CRYBG1: variants seen among roughly 807,000 people sequenced by gnomAD.
The protein encoded by CRYBG1 is beta/gamma crystallin domain-containing protein 1.
In CRYBG1, 139 loss-of-function variants were observed where a neutral mutation model predicts 189.2. That is an observed-to-expected ratio of 0.73 (90% CI 0.64 to 0.85). CRYBG1 has a LOEUF of 0.85. CRYBG1 is among the 40% of genes least tolerant of loss of function. The pLI is 0.00. For missense variants in CRYBG1, 2,611 were observed against 2,675.8 expected (o/e 0.98, Z 0.53); for synonymous variants, 1,023 against 1,017.1 (o/e 1.01, Z -0.11).
chr6:106,396,036 C>T (rs2114345786), intron 1 of CRYBG1, among the ~76,000 whole-genome samples: 1 of 152,256 alleles, frequency 6.6e-6, no homozygotes, highest in South Asian at 2.1e-4. Flanking sequence ...GATCCCAGGG[C>T]TATGTCTCTG....
intron 2 of CRYBG1, among the ~76,000 whole-genome samples, chr6:106,505,390 G>A (rs910987878): frequency 3.9e-5 from 6 of 151,930 alleles, no homozygotes; most frequent in African/African-American, 7.3e-5. Flanking sequence ...CACCGCACCC[G>A]GCCCAATTTT....
intron 1 of CRYBG1, among the ~76,000 whole-genome samples, chr6:106,425,559 A>G (rs150664618): frequency 7.2e-5 from 11 of 152,312 alleles, no homozygotes; most frequent in Non-Finnish European, 1.3e-4. Context: ...TATGCAGTTC[A>G]CTAACTAAAT....
At chr6:106,496,726 G>T (rs886970129) in intron 2 of CRYBG1, among the ~76,000 whole-genome samples, 7 of 152,176 alleles carry the variant, frequency 4.6e-5, no homozygotes. Context: ...TTTTGGCCAG[G>T]CTGATCATTT....
At chr6:106,458,754 T>TAA (rs1771942120) in intron 2 of CRYBG1, among the ~76,000 whole-genome samples, 1 of 152,004 alleles carries the variant, frequency 6.6e-6, no homozygotes, top group East Asian at 1.9e-4. Context: ...GAGAATAAGG[T>TAA]AGTTTCCAGA....
At chr6:106,550,543 G>GA (rs1288534311) in intron 13 of CRYBG1, among the ~76,000 whole-genome samples, 1 of 136,582 alleles carries the variant, frequency 7.3e-6, no homozygotes, top group African/African-American at 2.7e-5. Context: ...ACTTAAAAGA[G>GA]AAAAAAACAT....
At chr6:106,483,398 A>ATT (rs1772514221) in intron 2 of CRYBG1, among the ~76,000 whole-genome samples, 1 of 108,696 alleles carries the variant, frequency 9.2e-6, no homozygotes, top group South Asian at 2.6e-4. Flanking sequence ...ATAGATATAT[A>ATT]TATAAAACAT....
At chr6:106,516,051 A>G (rs886627543) in intron 3 of CRYBG1, among the ~76,000 whole-genome samples, 2 of 151,966 alleles carry the variant, frequency 1.3e-5, no homozygotes, top group African/African-American at 4.8e-5. Context: ...TCGGCCTCCC[A>G]AAGTGCTAGG....
Position 106,563,752 on chromosome 6 carries a change from T to C in CRYBG1, c.6139-12T>C, listed in dbSNP as rs778162841. The C allele has an allele frequency of 6.3e-7, 1 of 1,589,034 alleles. No individual in the cohort carries two copies. The highest frequency in any genetic ancestry group is 8.6e-7 in the Non-Finnish European group (1 of 1,159,264). Reference sequence around the variant, plus strand: ...TACATATTTAAGATATCTGGTCTTTTCCACTGAGCAGATAGCAGAAGACTG... The same window carrying C: ...TACATATTTAAGATATCTGGTCTTTCCCACTGAGCAGATAGCAGAAGACTG... On this transcript the variant is annotated splice_polypyrimidine_tract_variant and intron_variant, in intron 20 of 21. Coordinates refer to ENST00000633556, the MANE Select transcript of CRYBG1 (RefSeq NM_001371242.2).
intron 1 of CRYBG1, among the ~76,000 whole-genome samples, chr6:106,448,691 G>T (rs1218282746): frequency 6.6e-6 from 1 of 152,118 alleles, no homozygotes; most frequent in African/African-American, 2.4e-5. Context: ...ACAAAGCTAG[G>T]GAGAGGATAG....
intron 1 of CRYBG1, among the ~76,000 whole-genome samples, chr6:106,433,139 G>A (rs568644177): frequency 6.6e-5 from 10 of 151,960 alleles, no homozygotes; most frequent in African/African-American, 1.2e-4. Flanking sequence ...ATGCCCAGCC[G>A]CTATTTTCTG....
intron 1 of CRYBG1, among the ~76,000 whole-genome samples, chr6:106,444,885 G>A (rs1582766276): frequency 6.6e-6 from 1 of 152,118 alleles, no homozygotes; most frequent in South Asian, 2.1e-4. Flanking sequence ...TGTAATCCTG[G>A]CACTTTGGGA....
chr6:106,371,184 T>G (rs942136496), intron 1 of CRYBG1, among the ~76,000 whole-genome samples: 1 of 152,242 alleles, frequency 6.6e-6, no homozygotes, highest in East Asian at 1.9e-4. Flanking sequence ...ACACGTAATA[T>G]AGTGTATTCA....
chr6:106,529,655 G>T (rs981492836), intron 7 of CRYBG1, among the ~76,000 whole-genome samples: 5 of 152,190 alleles, frequency 3.3e-5, no homozygotes, highest in African/African-American at 1.2e-4. Flanking sequence ...ACAGAGATTT[G>T]TAAATCACTA....
chr6:106,520,466 C>G lies in CRYBG1; in HGVS notation c.3258C>G (p.Ser1086Arg), dbSNP rs1773571650. Reference protein sequence around the residue: ...TVTNGQDSPASLLNISAGSDD... With the variant: ...TVTNGQDSPARLLNISAGSDD... ...CAAATGGCCAGGATAGCCCTGCCAG[C>G]CTTTTGAACATTTCTGCTGGTAGTG... The change falls in exon 4 of 22, where the codon AGC becomes AGG. Residue 1086 changes from serine to arginine, a missense_variant. By Grantham distance (110) the Ser-to-Arg change is moderately radical. Around this residue, in one of 3 missense-constraint regions of CRYBG1, gnomAD observed 1,622 missense variants for 1,735.0 expected, o/e 0.93. Coordinates refer to ENST00000633556, the MANE Select transcript of CRYBG1 (RefSeq NM_001371242.2). The G allele has an allele frequency of 6.2e-7, 1 of 1,613,998 alleles. No homozygotes were observed. The highest frequency in any genetic ancestry group is 1.3e-5 in the African/African-American group (1 of 74,884).
At chr6:106,430,886 G>A (rs1771313189) in intron 1 of CRYBG1, among the ~76,000 whole-genome samples, 1 of 152,066 alleles carries the variant, frequency 6.6e-6, no homozygotes, top group African/African-American at 2.4e-5. Context: ...TTTAGAGATG[G>A]AGTCTCGCTC....
At chr6:106,433,798 CAT>C (rs1202103562) in intron 1 of CRYBG1, among the ~76,000 whole-genome samples, 2 of 136,926 alleles carry the variant, frequency 1.5e-5, no homozygotes, top group African/African-American at 5.7e-5. Flanking sequence ...CATACACACA[CAT>C]ACATATACAT....
intron 1 of CRYBG1, among the ~76,000 whole-genome samples, chr6:106,442,627 G>T (rs1771585154): frequency 6.6e-6 from 1 of 152,178 alleles, no homozygotes; most frequent in Admixed American, 6.5e-5. Context: ...AACAGGCTCT[G>T]CAAGCAGCTG....
chr6:106,499,459 CTG>C (rs59251165), intron 2 of CRYBG1, among the ~76,000 whole-genome samples: 1 of 151,206 alleles, frequency 6.6e-6, no homozygotes, highest in African/African-American at 2.4e-5. Flanking sequence ...CGCACCCAGC[CTG>C]TGTGTGTTTT....
chr6:106,365,247 G>A (rs972260491), intron 1 of CRYBG1, among the ~76,000 whole-genome samples: 2 of 152,060 alleles, frequency 1.3e-5, no homozygotes, highest in African/African-American at 2.4e-5. Flanking sequence ...TGGCCAACAT[G>A]GTGAAACCAT....
Sources: allele counts gnomAD v4.1 joint callset (sites outside exome capture counted in the v4.1 genomes callset), GRCh38; gene constraint gnomAD v4.1.1; regional missense constraint gnomAD v4.1.1; transcripts MANE v1.5; gene names NCBI Gene and HGNC (gene_info 2026-07-23, HGNC 2026-07-21).